The following IGBP1 variants were observed in gnomAD, a reference collection of about 807,000 sequenced individuals.
IGBP1 encodes immunoglobulin binding protein 1.
IGBP1 carries 2 observed loss-of-function variants against 25.9 expected under a neutral mutation model. The ratio of observed to expected loss-of-function variants is 0.08; its 90% CI spans 0.03 to 0.24. The LOEUF (loss-of-function observed/expected upper bound fraction) is 0.24, where lower values mean the gene tolerates loss of function less well. Among genes scored for constraint, IGBP1 ranks in the 10% least tolerant of loss-of-function variants. IGBP1 has a pLI of 1.00. For synonymous variants in IGBP1, 96 were observed against 93.4 expected (o/e 1.03, Z -0.16); for missense variants, 187 against 260.4 (o/e 0.72, Z 1.94).
intron 3 of IGBP1, among the ~76,000 whole-genome samples, chrX:70,136,525 T>C (rs1320219714): frequency 9.0e-6 from 1 of 110,988 alleles, no homozygotes; most frequent in East Asian, 2.8e-4. Flanking sequence ...TTGAGATGCA[T>C]GTGTACCTAT....
At chrX:70,136,800 C>T (rs2085097998) in intron 3 of IGBP1, among the ~76,000 whole-genome samples, 1 of 109,482 alleles carries the variant, frequency 9.1e-6, no homozygotes, top group Non-Finnish European at 1.9e-5. Flanking sequence ...ACCTCCACCT[C>T]CTGGGTTCAA....
intron 6 of IGBP1, among the ~76,000 whole-genome samples, chrX:70,160,403 T>C: frequency 8.9e-6 from 1 of 111,874 alleles, no homozygotes; most frequent in Non-Finnish European, 1.9e-5. Context: ...TACCCTCAGA[T>C]TTTTTGAGAT....
At chrX:70,136,995 C>T (rs918063250) in intron 3 of IGBP1, among the ~76,000 whole-genome samples, 26 of 111,748 alleles carry the variant, frequency 2.3e-4, no homozygotes, top group African/African-American at 8.5e-4. Context: ...GTGTGAGCCG[C>T]TGTGCCCTGG....
chrX:70,137,016 T>C (rs1602660071), intron 3 of IGBP1, among the ~76,000 whole-genome samples: 1 of 111,655 alleles, frequency 9.0e-6, no homozygotes, highest in Admixed American at 9.6e-5. Context: ...CTGTTTCTTT[T>C]CAAATAGTAG....
chrX:70,136,349 T>A, intron 3 of IGBP1, among the ~76,000 whole-genome samples: 1 of 112,114 alleles, frequency 8.9e-6, no homozygotes, highest in South Asian at 3.7e-4. Context: ...AAAATAGGCC[T>A]TGTGTTAGAT....
In IGBP1 at chrX:70,134,662, A is replaced by T; in HGVS notation, c.328A>T (p.Ile110Leu). 1.7e-6 allele frequency: 2 copies of T among 1,212,121 alleles called. No homozygotes were observed. The highest frequency in any genetic ancestry group is 2.2e-6 in the Non-Finnish European group (2 of 895,562). The change falls in exon 3 of 7, where the codon ATA becomes TTA. Residue 110 changes from isoleucine to leucine, a missense_variant. Ile to Leu is a conservative substitution (Grantham distance 5). Coordinates refer to ENST00000356413, the MANE Select transcript of IGBP1 (RefSeq NM_001551.3). ...TTTGCAGCGGGCTCGAGAACACTTTATAAACTACTTAACTCAGTGCCATTG... is the reference window on the plus strand; with the variant it reads ...TTTGCAGCGGGCTCGAGAACACTTTTTAAACTACTTAACTCAGTGCCATTG... ...DHLQRAREHF[I>L]NYLTQCHCYH... is the part of the protein sequence containing the mutation.
chrX:70,137,904 A>G (rs754134871), intron 3 of IGBP1, among the ~76,000 whole-genome samples: 34 of 106,911 alleles, frequency 3.2e-4, no homozygotes, highest in Admixed American at 2.3e-3. Context: ...AGGCTGAGGC[A>G]GGTGGATCCC....
At chrX:70,162,342 C>G (rs1216245391) in intron 6 of IGBP1, among the ~76,000 whole-genome samples, 3 of 111,877 alleles carry the variant, frequency 2.7e-5, no homozygotes, top group Non-Finnish European at 5.6e-5. Flanking sequence ...TCAAAACTGT[C>G]CAGGTCATCA....
intron 6 of IGBP1, among the ~76,000 whole-genome samples, chrX:70,158,545 A>C (rs1321234197): frequency 1.8e-5 from 2 of 111,713 alleles, no homozygotes; most frequent in African/African-American, 3.3e-5. Context: ...TGATGGTTGC[A>C]CAACTCTGAA....
chrX:70,137,966 C>A (rs1376787982), intron 3 of IGBP1, among the ~76,000 whole-genome samples: 1 of 86,849 alleles, frequency 1.2e-5, no homozygotes, highest in African/African-American at 5.0e-5. Flanking sequence ...AACGCCATCT[C>A]TGCAAAAAAA....
intron 5 of IGBP1, 58 bp downstream of exon 5, chrX:70,148,898 A>C: frequency 1.2e-6 from 1 of 817,924 alleles, no homozygotes; most frequent in Non-Finnish European, 1.8e-6. Context: ...TCAATGTGGC[A>C]ATTCATTAGT....
At chrX:70,147,295 C>T (rs2085172944) in intron 4 of IGBP1, among the ~76,000 whole-genome samples, 1 of 110,566 alleles carries the variant, frequency 9.0e-6, no homozygotes, top group Admixed American at 9.7e-5. Flanking sequence ...TGGTGGTGCG[C>T]GTCTGTGATC....
chrX:70,151,558 T>C (rs1211092486), intron 6 of IGBP1, among the ~76,000 whole-genome samples: 2 of 110,438 alleles, frequency 1.8e-5, no homozygotes, highest in African/African-American at 6.6e-5. Context: ...GACAAATAGG[T>C]GAAAACAAAA....
intron 3 of IGBP1, among the ~76,000 whole-genome samples, chrX:70,146,150 C>T (rs757880494): frequency 1.7e-3 from 193 of 111,719 alleles, no homozygotes; most frequent in Non-Finnish European, 3.0e-3. Flanking sequence ...AGAAGAGCTG[C>T]GAAAGTTTTG....
At chrX:70,145,112 C>T (rs2085158278) in intron 3 of IGBP1, among the ~76,000 whole-genome samples, 2 of 109,754 alleles carry the variant, frequency 1.8e-5, no homozygotes, top group Admixed American at 9.7e-5. Flanking sequence ...AGGACCACCC[C>T]CACCACACTG....
rs2085185541 is a variant in IGBP1 at position 70,149,080 on chromosome X, T to C, written c.758+240T>C. On this transcript the variant is annotated intron_variant, in intron 5 of 6. Transcript: ENST00000356413. The stretch of plus-strand genomic sequence containing the variant: ...CCTGTCTCTACTAAAAATACAAAAT[T>C]AGCCGGACATGATGGCACATGCCTG... The C allele has an allele frequency of 5.1e-5, 17 of 333,736 alleles. No homozygotes were observed. In the South Asian group the frequency reaches 5.6e-4, roughly 11 times the overall value. 27.5% of individuals were successfully genotyped at this position (333,736 alleles called of 1,213,427 possible). A position where few individuals can be genotyped will look rare whatever the true frequency, so the allele number is the denominator to read the frequency against.
intron 5 of IGBP1, among the ~76,000 whole-genome samples, chrX:70,149,293 T>A (rs941526919): frequency 6.3e-5 from 7 of 110,860 alleles, no homozygotes; most frequent in Non-Finnish European, 1.1e-4. Context: ...AGGGATATTA[T>A]CTTTCCTGAA....
At position 70,133,760 on chromosome X, in the gene IGBP1, G is replaced by A. The variant is rs1285158046; in HGVS notation, c.-188G>A. The stretch of plus-strand genomic sequence containing the variant: ...TGTAACGGGCTGCCTGGTAAAATGA[G>A]TCTATGGAAACGGTTGCCAGGGCCG... On this transcript the variant is annotated 5_prime_UTR_variant, in exon 2 of 7. Transcript: ENST00000356413. The A allele has an allele frequency of 1.5e-5, 7 of 454,167 alleles. No homozygotes were observed. Among genetic ancestry groups the A allele is most frequent in the Non-Finnish European group, 2.7e-5 (7 of 260,860 alleles). 37.4% of individuals were successfully genotyped at this position (454,167 alleles called of 1,213,427 possible).
chrX:70,143,731 TG>T (rs1379848819), intron 3 of IGBP1, among the ~76,000 whole-genome samples: 2 of 26,885 alleles, frequency 7.4e-5, no homozygotes, highest in African/African-American at 2.9e-4. Context: ...GCCTGGGGGT[TG>T]GGGGGGCGGG....
Sources: allele counts gnomAD v4.1 joint callset (sites outside exome capture counted in the v4.1 genomes callset), GRCh38; gene constraint gnomAD v4.1.1; transcripts MANE v1.5; gene names NCBI Gene and HGNC (gene_info 2026-07-23, HGNC 2026-07-21).